Variants in SCML4 observed in about 807,000 individuals in gnomAD.
The protein encoded by SCML4 is sex comb on midleg-like protein 4.
In SCML4, 34 loss-of-function variants were observed where a neutral mutation model predicts 41.1. That is an observed-to-expected ratio of 0.83 (90% CI 0.63 to 1.10). The LOEUF (loss-of-function observed/expected upper bound fraction) is 1.10. SCML4 is among the 50% of genes least tolerant of loss of function. The pLI is 0.00. For missense variants in SCML4, 522 were observed against 534.1 expected, an observed-to-expected ratio of 0.98 and a Z score of 0.22; for synonymous variants, 214 against 220.9, an observed-to-expected ratio of 0.97 and a Z score of 0.28.
intron 1 of SCML4, among the ~76,000 whole-genome samples, chr6:107,774,410 C>CA (rs1246560643): frequency 6.6e-6 from 1 of 151,662 alleles, no homozygotes; most frequent in African/African-American, 2.4e-5. Context: ...AACATGTGAA[C>CA]AAAAAAATCA....
intron 5 of SCML4, among the ~76,000 whole-genome samples, chr6:107,727,176 C>A (rs568030201): frequency 2.0e-5 from 3 of 151,944 alleles, no homozygotes; most frequent in Admixed American, 6.5e-5. Flanking sequence ...TCAAATGATT[C>A]TTTTTATATA....
intron 2 of SCML4, among the ~76,000 whole-genome samples, chr6:107,767,640 T>C (rs74700858): frequency 0.011 from 1,696 of 152,348 alleles, 34 homozygotes; most frequent in African/African-American, 0.039. Context: ...AAGCCTGTCC[T>C]TTAGGTACTC....
intron 1 of SCML4, among the ~76,000 whole-genome samples, chr6:107,802,943 G>C (rs1410687682): frequency 6.6e-6 from 1 of 151,756 alleles, no homozygotes; most frequent in South Asian, 2.1e-4. Flanking sequence ...ACGGGTTTTC[G>C]CTGTGTTGGC....
At chr6:107,778,750 TG>T (rs568791325) in intron 1 of SCML4, among the ~76,000 whole-genome samples, 23 of 152,314 alleles carry the variant, frequency 1.5e-4, no homozygotes, top group Non-Finnish European at 3.1e-4. Flanking sequence ...ATGGAGCCAC[TG>T]GGTCATACAA....
At chr6:107,785,183 G>A (rs775039845) in intron 1 of SCML4, among the ~76,000 whole-genome samples, 2 of 151,986 alleles carry the variant, frequency 1.3e-5, no homozygotes, top group African/African-American at 4.8e-5. Context: ...GTTGTATTTG[G>A]GTCAAGGAGT....
chr6:107,751,630 CTTTCTTTCTTT>C (rs1562218937), intron 2 of SCML4, among the ~76,000 whole-genome samples: 59 of 142,114 alleles, frequency 4.2e-4, no homozygotes, highest in African/African-American at 1.5e-3. Flanking sequence ...TTCTTTCTTT[CTTTCTTTCTTT>C]CTTTCTTTTT....
chr6:107,730,197 G>A (rs1776399536), intron 5 of SCML4, among the ~76,000 whole-genome samples: 1 of 152,186 alleles, frequency 6.6e-6, no homozygotes, highest in Non-Finnish European at 1.5e-5. Context: ...TATCTGGAGA[G>A]GGAACCCCCA....
At chr6:107,797,885 A>G (rs1340953785) in intron 1 of SCML4, among the ~76,000 whole-genome samples, 4 of 151,998 alleles carry the variant, frequency 2.6e-5, no homozygotes, top group African/African-American at 9.7e-5. Flanking sequence ...AGATGATCAT[A>G]TAATTTCTAT....
the SCML4 span, among the ~76,000 whole-genome samples, chr6:107,838,890 G>A: frequency 8.6e-5 from 13 of 151,966 alleles, no homozygotes; most frequent in African/African-American, 2.4e-4. Flanking sequence ...GGGAAGAAGG[G>A]TAGAATGAGG....
intron 2 of SCML4, among the ~76,000 whole-genome samples, chr6:107,761,813 T>A (rs1164806632): frequency 6.6e-6 from 1 of 151,892 alleles, no homozygotes; most frequent in East Asian, 1.9e-4. Context: ...AAAGTCTTTT[T>A]TTTTTTCAAA....
In SCML4 at chr6:107,802,744, C is replaced by CGG. The variant is rs1294718178; in HGVS notation, c.-60+21381_-60+21382insCC. Among the ~76,000 whole-genome samples, 1,430 of 146,184 alleles carry CGG rather than the reference C, an allele frequency of 9.8e-3. 61 individuals are homozygous for CGG. Among genetic ancestry groups the CGG allele is most frequent in the African/African-American group, 0.036 (1,363 of 38,116 alleles). On this transcript the variant is annotated intron_variant, in intron 1 of 7. Transcript: ENST00000369020. ...TCCCTCTCCCCCTCCCTCTCCCTCT[C>CGG]CCCACGGTCTCCCTCTCCCTCTCTT...
intron 1 of SCML4, among the ~76,000 whole-genome samples, chr6:107,802,581 A>AGGAAGGAC (rs1456467431): frequency 0.014 from 1,322 of 91,208 alleles, 97 homozygotes; most frequent in African/African-American, 0.068. Context: ...GGAGGGAGGG[A>AGGAAGGAC]GGAAGGAAGG....
chr6:107,751,572 ATCTTTCTTTCTTTCTT>A (rs36148554), intron 2 of SCML4, among the ~76,000 whole-genome samples: 3,438 of 87,734 alleles, frequency 0.039, 87 homozygotes, highest in Middle Eastern at 0.1. Context: ...CATTTTAACA[ATCTTTCTTTCTTTCTT>A]TCTTTCTTTC....
intron 5 of SCML4, among the ~76,000 whole-genome samples, chr6:107,729,733 A>G (rs888359897): frequency 6.6e-6 from 1 of 152,252 alleles, no homozygotes; most frequent in African/African-American, 2.4e-5. Context: ...TCTTGAGTAG[A>G]CAGTTCTATA....
At chr6:107,817,837 T>G (rs949815669) in intron 1 of SCML4, among the ~76,000 whole-genome samples, 2 of 152,088 alleles carry the variant, frequency 1.3e-5, no homozygotes, top group Non-Finnish European at 2.9e-5. Context: ...AATCGAGTAC[T>G]AACTTCACAT....
intron 1 of SCML4, among the ~76,000 whole-genome samples, chr6:107,805,739 G>A (rs1259406691): frequency 2.0e-5 from 3 of 152,190 alleles, no homozygotes; most frequent in Admixed American, 6.5e-5. Flanking sequence ...CATATGTGGT[G>A]AGCTGTTTTA....
intron 6 of SCML4, among the ~76,000 whole-genome samples, chr6:107,711,317 G>A (rs1041466372): frequency 9.8e-5 from 15 of 152,308 alleles, no homozygotes; most frequent in South Asian, 2.1e-4. Context: ...ATGGCTCAGA[G>A]TACATATACA....
chr6:107,757,131 A>G (rs9400140), intron 2 of SCML4, among the ~76,000 whole-genome samples: 22,312 of 152,168 alleles, frequency 0.15, 1,943 homozygotes, highest in Middle Eastern at 0.21. Context: ...GGGAATCTGG[A>G]ATCAGCTCAT....
intron 1 of SCML4, among the ~76,000 whole-genome samples, chr6:107,804,494 ATATGTTGCAATTTG>A (rs1193037092): frequency 1.3e-5 from 2 of 152,134 alleles, no homozygotes; most frequent in African/African-American, 4.8e-5. Flanking sequence ...TCAAATTGCA[ATATGTTGCAATTTG>A]CATTCCAAGT....
Sources: gnomAD v4.1 joint callset for allele counts (sites outside exome capture counted in the v4.1 genomes callset) on GRCh38, gnomAD v4.1.1 for gene constraint, MANE v1.5 for transcripts, NCBI Gene and HGNC (gene_info 2026-07-23, HGNC 2026-07-21) for gene names.